Variants in EZH2 observed in about 807,000 individuals in gnomAD.
EZH2 encodes histone-lysine N-methyltransferase EZH2.
Under a neutral mutation model 98.4 loss-of-function variants are expected in EZH2, and 18 were observed. The ratio of observed to expected loss-of-function variants is 0.18; its 90% CI spans 0.13 to 0.27. The LOEUF is 0.27. Among genes scored for constraint, EZH2 ranks in the 10% least tolerant of loss-of-function variants. EZH2 has a pLI of 1.00. For synonymous variants in EZH2, 338 were observed against 312.3 expected (o/e 1.08, Z -0.87); for missense variants, 470 against 935.1 (o/e 0.50, Z 6.49).
At chr7:148,846,731 T>C in intron 2 of EZH2, 133 bp from the exon 3 acceptor site, 7 of 742,706 alleles carry the variant, frequency 9.4e-6, no homozygotes, top group Non-Finnish European at 1.3e-5. Context: ...TGCATATAGA[T>C]TTTACACTAT....
intron 1 of EZH2, among the ~76,000 whole-genome samples, chr7:148,868,551 T>C (rs1239055254): frequency 6.6e-6 from 1 of 152,150 alleles, no homozygotes; most frequent in Non-Finnish European, 1.5e-5. Context: ...CTCCTCCAAC[T>C]TTGGGGATTA....
rs73158278 is a variant in EZH2 at position 148,863,532 on chromosome 7, T to C, written c.-7-16227A>G. ...TCAGTAGTTACAGTCACCCTTCTGA[T>C]CCTCCTGCAACCCTAAGACAACGCC... is the stretch of plus-strand genomic sequence containing the variant. On this transcript the variant is annotated intron_variant, in intron 1 of 19. Transcript: ENST00000320356. 8.2e-3 allele frequency among the ~76,000 whole-genome samples: 1,253 copies of C among 152,278 alleles called. 12 individuals are homozygous for C. Among genetic ancestry groups the C allele is most frequent in the Non-Finnish European group, 0.012 (793 of 68,014 alleles).
chr7:148,818,437 A>G (rs1805164550), intron 9 of EZH2, among the ~76,000 whole-genome samples: 1 of 152,236 alleles, frequency 6.6e-6, no homozygotes, highest in African/African-American at 2.4e-5. Context: ...TATGAAATAT[A>G]CTTCATGTAA....
chr7:148,832,375 A>G (rs966650493), intron 4 of EZH2, among the ~76,000 whole-genome samples: 4 of 152,206 alleles, frequency 2.6e-5, no homozygotes, highest in Non-Finnish European at 5.9e-5. Context: ...CACAATGCCC[A>G]GCCCATCTTT....
intron 1 of EZH2, among the ~76,000 whole-genome samples, chr7:148,871,665 C>T (rs1435566033): frequency 6.6e-6 from 1 of 151,552 alleles, no homozygotes; most frequent in Non-Finnish European, 1.5e-5. Flanking sequence ...GCCTCGACCT[C>T]CCAGGCTCAA....
chr7:148,876,367 C>G (rs982776021), intron 1 of EZH2: 13 of 152,056 alleles, frequency 8.5e-5, no homozygotes, highest in Non-Finnish European at 1.2e-4. Context: ...CATTATAGAT[C>G]TTGATCCAGG....
At chr7:148,834,631 T>C (rs965066882) in intron 3 of EZH2, among the ~76,000 whole-genome samples, 2 of 152,254 alleles carry the variant, frequency 1.3e-5, no homozygotes, top group South Asian at 2.1e-4. Context: ...ATCTATTAAT[T>C]TGCTTTCCAA....
rs765923874 is a variant in EZH2, at chr7:148,819,605, G to A, written c.990C>T (p.Tyr330=). The change falls in exon 9 of 20, where the codon TAC becomes TAT. Residue 330 remains tyrosine, a synonymous_variant. Coordinates refer to ENST00000320356, the MANE Select transcript of EZH2 (RefSeq NM_004456.5). ...LDNKPCGPQC[Y]QHLEGAKEFA... is the part of the protein sequence containing the mutation. Reference sequence around the variant, plus strand: ...AGGCACTAAGTCTTACCAAATGCTGGTAACACTGTGGTCCACAAGGTTTGT... The same window carrying A: ...AGGCACTAAGTCTTACCAAATGCTGATAACACTGTGGTCCACAAGGTTTGT... The A allele has an allele frequency of 5.0e-6, 8 of 1,613,766 alleles. No homozygotes were observed. The highest frequency in any genetic ancestry group is 6.8e-6 in the Non-Finnish European group (8 of 1,179,836).
chr7:148,843,580 TAA>T (rs1813064528), intron 3 of EZH2, among the ~76,000 whole-genome samples: 1 of 137,500 alleles, frequency 7.3e-6, no homozygotes, highest in Non-Finnish European at 1.5e-5. Flanking sequence ...AATGGGAGTA[TAA>T]GTTTTTTTTT....
At chr7:148,809,543 A>G (rs529050822) in intron 17 of EZH2, among the ~76,000 whole-genome samples, 153 bp from the exon 18 acceptor site, 3 of 152,318 alleles carry the variant, frequency 2.0e-5, no homozygotes, top group African/African-American at 7.2e-5. Flanking sequence ...AAGAAATGAC[A>G]TTTGGAAGAA....
chr7:148,831,817 CTA>C (rs1369944040), intron 4 of EZH2, among the ~76,000 whole-genome samples: 10 of 152,146 alleles, frequency 6.6e-5, no homozygotes, highest in African/African-American at 2.4e-4. Flanking sequence ...AGTAATACAA[CTA>C]TATATTTTTT....
chr7:148,823,542 G>A (rs1018979448), intron 8 of EZH2, among the ~76,000 whole-genome samples: 3 of 151,908 alleles, frequency 2.0e-5, no homozygotes, highest in Admixed American at 6.6e-5. Flanking sequence ...AAAAAAATAC[G>A]AGAACCAATA....
rs917585556 is a variant in EZH2, at chr7:148,827,224, A to G, written c.668T>C (p.Ile223Thr). The change falls in exon 7 of 20, where the codon ATT becomes ACT. Residue 223 changes from isoleucine to threonine, a missense_variant. By Grantham distance (89) the Ile-to-Thr change is moderately conservative. Around this residue, in one of 6 missense-constraint regions of EZH2, gnomAD observed 69 missense variants for 78.3 expected, o/e 0.88. Transcript: ENST00000320356. ...RPPRKFPSDK[I>T]FEAISSMFPD... is the part of the protein sequence containing the mutation. ...AAACATTGAGGAAATGGCTTCAAAA[A>G]TTTTATCAGAAGGAAATTTCCGAGG... The G allele has an allele frequency of 6.2e-7, 1 of 1,613,826 alleles. No homozygotes were observed. The highest frequency in any genetic ancestry group is 1.3e-5 in the African/African-American group (1 of 74,934).
intron 1 of EZH2, among the ~76,000 whole-genome samples, chr7:148,859,218 A>G (rs1233030896): frequency 6.6e-6 from 1 of 152,186 alleles, no homozygotes; most frequent in Non-Finnish European, 1.5e-5. Context: ...ACAGTTAAAA[A>G]CAAAGTGTCA....
At chr7:148,882,803 C>T (rs1451764375) in intron 1 of EZH2, among the ~76,000 whole-genome samples, 6 of 152,204 alleles carry the variant, frequency 3.9e-5, no homozygotes, top group Non-Finnish European at 8.8e-5. Flanking sequence ...AGCAAAGACA[C>T]ATTTTTATTT....
chr7:148,836,158 A>G (rs908582867), intron 3 of EZH2, among the ~76,000 whole-genome samples: 1 of 152,228 alleles, frequency 6.6e-6, no homozygotes, highest in Non-Finnish European at 1.5e-5. Flanking sequence ...TGTCTCAAAA[A>G]AACAGTAGGC....
At chr7:148,815,619 G>A (rs998402273) in intron 12 of EZH2, 73 bp from the exon 13 acceptor site, 11 of 1,297,668 alleles carry the variant, frequency 8.5e-6, no homozygotes, top group Non-Finnish European at 1.2e-5. Context: ...CTGCTTAACT[G>A]GATCTATCTG....
At position 148,816,876 on chromosome 7, in the gene EZH2, G is replaced by C. The variant is rs1804704381; in HGVS notation, c.1411-98C>G. On this transcript the variant is annotated intron_variant, in intron 11 of 19. Transcript: ENST00000320356. ...CCAGAAAAATGTCTTTGTCTCTTCT[G>C]TGACACTGCTAGATGCTGGGGATAT... The C allele has an allele frequency of 7.1e-6, 6 of 841,566 alleles. No homozygotes were observed. The South Asian group carries it at 8.4e-5, about 12-fold the overall frequency. 52.1% of individuals were successfully genotyped at this position (841,566 alleles called of 1,614,324 possible).
intron 3 of EZH2, among the ~76,000 whole-genome samples, chr7:148,845,367 G>A (rs775426183): frequency 3.9e-5 from 6 of 152,176 alleles, no homozygotes; most frequent in Non-Finnish European, 8.8e-5. Flanking sequence ...TACCAGATGA[G>A]GAGGAAAGTG....
Sources: gnomAD v4.1 joint callset for allele counts (sites outside exome capture counted in the v4.1 genomes callset) on GRCh38, gnomAD v4.1.1 for gene constraint, gnomAD v4.1.1 regional missense constraint, MANE v1.5 for transcripts, NCBI Gene and HGNC (gene_info 2026-07-23, HGNC 2026-07-21) for gene names.